Variants in MORC1 observed in about 807,000 individuals in gnomAD.
MORC1 encodes the protein MORC family CW-type zinc finger 1.
A neutral mutation model predicts 134.9 loss-of-function variants in MORC1; 59 were observed. That is an observed-to-expected ratio of 0.44 (90% CI 0.35 to 0.54). The LOEUF (loss-of-function observed/expected upper bound fraction) is 0.54. MORC1 is among the 20% of genes least tolerant of loss of function. MORC1 has a pLI of 0.00. For synonymous variants in MORC1, 395 were observed against 391.7 expected (o/e 1.01, Z -0.10); for missense variants, 947 against 1,134.5 (o/e 0.83, Z 2.37).
chr3:109,101,953 G>A (rs572278135), intron 4 of MORC1, among the ~76,000 whole-genome samples: 5 of 152,260 alleles, frequency 3.3e-5, no homozygotes, highest in African/African-American at 1.2e-4. Context: ...ATGAACTCAC[G>A]TGCATGGTTA....
chr3:109,038,872 G>A lies in MORC1; in HGVS notation c.1331-3404C>T, dbSNP rs981253550. Among the ~76,000 whole-genome samples, 8 of 152,172 alleles carry A rather than the reference G, an allele frequency of 5.3e-5. No individual in the cohort carries two copies. The East Asian group carries it at 5.8e-4, about 11-fold the overall frequency. ...AGTATAGTTTGAAGTCAGGTAGCGC[G>A]ATGCCTCCAGCTTTGTTCTTTTTGC... On this transcript the variant is annotated intron_variant, in intron 14 of 27. Coordinates refer to ENST00000232603, the MANE Select transcript of MORC1 (RefSeq NM_014429.4).
Position 109,093,464 on chromosome 3 carries a change from C to G in MORC1, c.661G>C (p.Asp221His). Residue 221 changes from aspartate (D) to histidine (H), a missense_variant, in exon 8 of 28, where the codon GAT becomes CAT. This residue lies in a region of MORC1 where 214 missense variants were observed against 281.3 expected (regional missense o/e 0.76). Transcript: ENST00000232603. ...TCCAGAGCTCCAGCCATCAGTATAT[C>G]TTCTTTGTCAGTTTTAACATCCAAC... ...PELDVKTDKE[D>H]ILMAGALEDF... The G allele has an allele frequency of 1.2e-6, 2 of 1,613,694 alleles. No homozygotes were observed.
intron 26 of MORC1, 100 bp from the exon 27 acceptor site, chr3:108,963,708 C>T: frequency 1.3e-6 from 1 of 786,366 alleles, no homozygotes; most frequent in Admixed American, 3.3e-5. Context: ...CTACATGTAC[C>T]AAGTGTCAAC....
chr3:109,026,286 A>G (rs1016531005), intron 17 of MORC1, among the ~76,000 whole-genome samples: 4 of 152,206 alleles, frequency 2.6e-5, no homozygotes, highest in African/African-American at 9.7e-5. Context: ...GAATTTCTAT[A>G]TAAGTACTGC....
intron 1 of MORC1, among the ~76,000 whole-genome samples, chr3:109,117,694 T>C (rs550041241): frequency 6.6e-6 from 1 of 152,186 alleles, no homozygotes; most frequent in Non-Finnish European, 1.5e-5. Context: ...AGACTAAGGT[T>C]AGGCAGGATT....
rs533765847 is a variant in MORC1 at position 109,100,366 on chromosome 3, C to T, written c.314+51G>A. The stretch of plus-strand genomic sequence containing the variant: ...CATTCTGTGTAAATTGCTTTATAAA[C>T]AGTGTTCCCAGTATCAATAATATAT... On this transcript the variant is annotated intron_variant, in intron 5 of 27. Coordinates refer to ENST00000232603, the MANE Select transcript of MORC1 (RefSeq NM_014429.4). 5.3e-6 allele frequency: 7 copies of T among 1,333,244 alleles called. No individual in the cohort carries two copies. In the South Asian group the frequency reaches 7.1e-5, roughly 13 times the overall value. The allele number at this position is 1,333,244 out of a possible 1,614,324, so 82.6% of individuals were successfully genotyped here.
At chr3:108,969,174 T>C (rs951696184) in intron 26 of MORC1, among the ~76,000 whole-genome samples, 2 of 152,124 alleles carry the variant, frequency 1.3e-5, no homozygotes, top group African/African-American at 4.8e-5. Flanking sequence ...ATATCAGTGA[T>C]CTTGGAATGG....
chr3:108,973,912 A>G (rs7636610), intron 24 of MORC1, among the ~76,000 whole-genome samples: 47,337 of 152,072 alleles, frequency 0.31, 7,872 homozygotes, highest in Non-Finnish European at 0.37. Flanking sequence ...ACTATTCTTT[A>G]TAAAGTACTA....
chr3:109,022,245 A>G (rs1313046550), intron 17 of MORC1, among the ~76,000 whole-genome samples: 1 of 152,230 alleles, frequency 6.6e-6, no homozygotes, highest in African/African-American at 2.4e-5. Flanking sequence ...CTATAGTTAT[A>G]GAGATTTGAA....
At chr3:108,979,443 A>C in intron 24 of MORC1, 72 bp downstream of exon 24, 1 of 1,513,742 alleles carries the variant, frequency 6.6e-7, no homozygotes, top group Non-Finnish European at 9.1e-7. Context: ...CTCAGTAGGG[A>C]AAACAACAGG....
At chr3:109,009,207 GT>G (rs72433903) in intron 17 of MORC1, among the ~76,000 whole-genome samples, 1,527 of 118,768 alleles carry the variant, frequency 0.013, 14 homozygotes, top group African/African-American at 0.053. Context: ...GTTTTTTGTT[GT>G]TTTTTTTTTT....
intron 14 of MORC1, 62 bp downstream of exon 14, chr3:109,054,666 A>G: frequency 7.4e-7 from 1 of 1,346,874 alleles, no homozygotes; most frequent in Non-Finnish European, 9.8e-7. Context: ...ATGTCAGCTT[A>G]AAGAAATCAC....
intron 11 of MORC1, 106 bp from the exon 12 acceptor site, chr3:109,059,976 C>T: frequency 1.2e-6 from 1 of 821,342 alleles, no homozygotes; most frequent in Non-Finnish European, 1.9e-6. Context: ...CAATAGCTCA[C>T]ATTACCTAAT....
intron 3 of MORC1, chr3:109,109,732 G>T (rs75240839): frequency 6.6e-6 from 1 of 152,406 alleles, no homozygotes; most frequent in Admixed American, 6.5e-5. Flanking sequence ...AAACTGGGGA[G>T]GCTCAGTTCT....
At chr3:108,970,788 C>T (rs888439602) in intron 25 of MORC1, among the ~76,000 whole-genome samples, 1 of 152,212 alleles carries the variant, frequency 6.6e-6, no homozygotes, top group African/African-American at 2.4e-5. Context: ...TTGTAGACTA[C>T]TCACTGTTAC....
intron 14 of MORC1, among the ~76,000 whole-genome samples, chr3:109,051,074 T>C (rs571667686): frequency 6.6e-5 from 10 of 152,344 alleles, no homozygotes; most frequent in Non-Finnish European, 5.9e-5. Flanking sequence ...TTCTATTTTA[T>C]TGTAAGGATG....
At chr3:108,986,691 G>A (rs960068140) in intron 22 of MORC1, among the ~76,000 whole-genome samples, 189 bp downstream of exon 22, 2 of 152,036 alleles carry the variant, frequency 1.3e-5, no homozygotes, top group African/African-American at 2.4e-5. Flanking sequence ...TCTCTGCCCC[G>A]TCAAAACACA....
intron 21 of MORC1, among the ~76,000 whole-genome samples, chr3:108,990,085 C>T (rs1181379651): frequency 2.0e-5 from 3 of 152,152 alleles, no homozygotes; most frequent in Non-Finnish European, 4.4e-5. Flanking sequence ...TAAGACATGC[C>T]TTTTCTCCTC....
intron 8 of MORC1, among the ~76,000 whole-genome samples, chr3:109,074,227 G>A (rs1024501267): frequency 1.3e-5 from 2 of 152,088 alleles, no homozygotes; most frequent in South Asian, 2.1e-4. Flanking sequence ...GATCGATCCC[G>A]AGCCATGGCG....
Sources: gnomAD v4.1 joint callset for allele counts (sites outside exome capture counted in the v4.1 genomes callset) on GRCh38, gnomAD v4.1.1 for gene constraint, gnomAD v4.1.1 regional missense constraint, MANE v1.5 for transcripts, NCBI Gene and HGNC (gene_info 2026-07-23, HGNC 2026-07-21) for gene names.